FGGY: variants seen among roughly 807,000 people sequenced by gnomAD.
The protein encoded by FGGY is FGGY carbohydrate kinase domain-containing protein.
FGGY carries 72 observed loss-of-function variants against 71.3 expected under a neutral mutation model. The observed-to-expected ratio is 1.01, with a 90% confidence interval of 0.84 to 1.23. The LOEUF (loss-of-function observed/expected upper bound fraction) is 1.23, where lower values mean the gene tolerates loss of function less well. FGGY is among the 50% of genes most tolerant of loss of function. FGGY has a pLI of 0.00. For synonymous variants in FGGY, 251 were observed against 250.3 expected, an observed-to-expected ratio of 1.00 and a Z score of -0.02; for missense variants, 668 against 682.3, an observed-to-expected ratio of 0.98 and a Z score of 0.23.
intron 10 of FGGY, among the ~76,000 whole-genome samples, chr1:59,627,479 T>TATATAC (rs1344171989): frequency 6.0e-5 from 8 of 132,554 alleles, no homozygotes; most frequent in Non-Finnish European, 9.2e-5. Flanking sequence ...TATATATATA[T>TATATAC]ATATATATAT....
intron 8 of FGGY, among the ~76,000 whole-genome samples, chr1:59,599,412 T>G (rs1244255756): frequency 6.6e-6 from 1 of 151,776 alleles, no homozygotes; most frequent in East Asian, 2.0e-4. Flanking sequence ...AATAAGTAAG[T>G]GGCTGGGTGC....
chr1:59,458,097 A>G (rs184306468), intron 6 of FGGY, among the ~76,000 whole-genome samples: 1 of 152,350 alleles, frequency 6.6e-6, no homozygotes, highest in East Asian at 1.9e-4. Flanking sequence ...ACCTAGAAGG[A>G]ACTAATATTT....
chr1:59,697,986 G>A lies in FGGY; in HGVS notation c.1512+23853G>A, dbSNP rs903945386. Among the ~76,000 whole-genome samples, 4 of 152,148 alleles carry A rather than the reference G, an allele frequency of 2.6e-5. No individual in the cohort carries two copies. In the South Asian group the frequency reaches 8.3e-4, roughly 32 times the overall value. On this transcript the variant is annotated intron_variant, in intron 14 of 15. Transcript: ENST00000303721. ...CTCAGTTCTGTAATCTGTACATAGA[G>A]ATAATAATACTTTTATCAAAAAAGC... is the stretch of plus-strand genomic sequence containing the variant.
intron 8 of FGGY, among the ~76,000 whole-genome samples, chr1:59,593,800 A>G (rs2096486765): frequency 6.6e-6 from 1 of 152,202 alleles, no homozygotes; most frequent in African/African-American, 2.4e-5. Flanking sequence ...TCTTTTTCAC[A>G]GGACCTGACA....
At chr1:59,470,195 A>T (rs889684433) in intron 6 of FGGY, among the ~76,000 whole-genome samples, 2 of 152,194 alleles carry the variant, frequency 1.3e-5, no homozygotes, top group African/African-American at 4.8e-5. Context: ...ACAATGGCTG[A>T]ACTATTTCAC....
intron 5 of FGGY, among the ~76,000 whole-genome samples, chr1:59,382,592 T>A (rs1206169727): frequency 1.3e-5 from 2 of 152,194 alleles, no homozygotes; most frequent in African/African-American, 4.8e-5. Flanking sequence ...ATTCCTCTTT[T>A]GGTGTGATGT....
intron 6 of FGGY, among the ~76,000 whole-genome samples, chr1:59,468,146 G>GC (rs550160675): frequency 1.8e-4 from 28 of 152,038 alleles, no homozygotes; most frequent in African/African-American, 5.3e-4. Flanking sequence ...CAAGTGATCC[G>GC]CCCCCCTCAG....
chr1:59,396,314 A>G (rs745613603), intron 5 of FGGY, among the ~76,000 whole-genome samples: 1 of 152,134 alleles, frequency 6.6e-6, no homozygotes, highest in Non-Finnish European at 1.5e-5. Context: ...CTAAGCTCTA[A>G]CCTCAGTGAA....
At chr1:59,369,780 C>T (rs540068605) in intron 4 of FGGY, among the ~76,000 whole-genome samples, 8 of 152,296 alleles carry the variant, frequency 5.3e-5, no homozygotes, top group Middle Eastern at 3.4e-3. Flanking sequence ...CTGCAGACAC[C>T]GCTGCTGATA....
chr1:59,413,197 C>T (rs2063858610), intron 5 of FGGY, among the ~76,000 whole-genome samples: 1 of 152,164 alleles, frequency 6.6e-6, no homozygotes, highest in Non-Finnish European at 1.5e-5. Context: ...GTGCTTTGAG[C>T]ACAGTATTCA....
At chr1:59,329,652 CCT>C (rs2048085957) in intron 2 of FGGY, among the ~76,000 whole-genome samples, 1 of 152,168 alleles carries the variant, frequency 6.6e-6, no homozygotes, top group Non-Finnish European at 1.5e-5. Context: ...TGCAATGCTC[CCT>C]TTAGCGTAAG....
intron 5 of FGGY, among the ~76,000 whole-genome samples, chr1:59,395,391 T>C (rs915632653): frequency 1.3e-5 from 2 of 152,212 alleles, no homozygotes; most frequent in Non-Finnish European, 2.9e-5. Flanking sequence ...CTGATTGATC[T>C]CCAATCTGTA....
At chr1:59,560,023 T>C (rs1033699699) in intron 8 of FGGY, among the ~76,000 whole-genome samples, 1 of 152,188 alleles carries the variant, frequency 6.6e-6, no homozygotes, top group Non-Finnish European at 1.5e-5. Flanking sequence ...CCACAAAATA[T>C]GGTATGGAAA....
intron 11 of FGGY, among the ~76,000 whole-genome samples, chr1:59,644,136 T>A (rs1401137617): frequency 6.6e-6 from 1 of 152,110 alleles, no homozygotes; most frequent in Admixed American, 6.6e-5. Context: ...CTGTCTCTTC[T>A]CAGTAAGGTA....
intron 10 of FGGY, among the ~76,000 whole-genome samples, chr1:59,627,089 T>C (rs572811858): frequency 3.5e-4 from 53 of 152,082 alleles, no homozygotes; most frequent in African/African-American, 1.3e-3. Context: ...GATATATGTG[T>C]ATGTTGGCAT....
At chr1:59,646,473 A>G (rs1005316009) in intron 11 of FGGY, among the ~76,000 whole-genome samples, 52 of 150,682 alleles carry the variant, frequency 3.5e-4, no homozygotes, top group African/African-American at 1.1e-3. Flanking sequence ...GAATATATAT[A>G]TATGTTTTAC....
chr1:59,585,508 CA>C (rs2096269786), intron 8 of FGGY, among the ~76,000 whole-genome samples: 1 of 152,184 alleles, frequency 6.6e-6, no homozygotes, highest in South Asian at 2.1e-4. Context: ...ACACCCTATA[CA>C]AAAATTAATT....
intron 14 of FGGY, among the ~76,000 whole-genome samples, chr1:59,744,704 T>G (rs1558972327): frequency 6.6e-6 from 1 of 152,258 alleles, no homozygotes; most frequent in Non-Finnish European, 1.5e-5. Context: ...ATCCTACCCC[T>G]GATTCATTCA....
rs144752975 is a variant in FGGY, at chr1:59,563,781, C to T, written c.903+9554C>T. Among the ~76,000 whole-genome samples, 180 of 152,302 alleles carry T rather than the reference C, an allele frequency of 1.2e-3. 4 individuals carry two copies. The East Asian group carries it at 0.025, about 21-fold the overall frequency. Reference sequence around the variant, plus strand: ...AAGCTAGAGGCATCATGCTCCCTGACTTCAAACTCTACTACAAGGCTACAG... The same window carrying T: ...AAGCTAGAGGCATCATGCTCCCTGATTTCAAACTCTACTACAAGGCTACAG... On this transcript the variant is annotated intron_variant, in intron 8 of 15. Coordinates refer to ENST00000303721, the MANE Select transcript of FGGY (RefSeq NM_018291.5).
Sources: gnomAD v4.1 joint callset for allele counts (sites outside exome capture counted in the v4.1 genomes callset) on GRCh38, gnomAD v4.1.1 for gene constraint, MANE v1.5 for transcripts, NCBI Gene and HGNC (gene_info 2026-07-23, HGNC 2026-07-21) for gene names.